The following CCNH variants were observed in gnomAD, a reference collection of about 807,000 sequenced individuals.
CCNH encodes the protein cyclin-H.
Under a neutral mutation model 41.9 loss-of-function variants are expected in CCNH, and 31 were observed. The observed-to-expected ratio is 0.74, with a 90% CI of 0.56 to 1.00. CCNH has a LOEUF of 1.00. Among genes scored for constraint, CCNH ranks in the 50% least tolerant of loss-of-function variants. The probability of loss-of-function intolerance (pLI) is 0.00; values close to 1 mark genes in which losing one functional copy is unlikely to be tolerated. For missense variants in CCNH, 362 were observed against 388.4 expected, an observed-to-expected ratio of 0.93 and a Z score of 0.57; for synonymous variants, 138 against 136.1, an observed-to-expected ratio of 1.01 and a Z score of -0.10.
chr5:87,411,453 G>A (rs1764235764), intron 1 of CCNH, 107 bp from the exon 2 acceptor site: 2 of 998,100 alleles, frequency 2.0e-6, no homozygotes, highest in South Asian at 2.1e-5. Context: ...TCCAACGAAG[G>A]GTATATATCA....
intron 9 of CCNH, among the ~76,000 whole-genome samples, chr5:87,321,817 A>G (rs919495266): frequency 6.6e-6 from 1 of 152,106 alleles, no homozygotes; most frequent in East Asian, 1.9e-4. Context: ...ACTTTCCCCA[A>G]TGGGAAGACC....
the CCNH span, among the ~76,000 whole-genome samples, chr5:87,312,584 G>A: frequency 1.1e-4 from 17 of 152,076 alleles, no homozygotes; most frequent in African/African-American, 3.4e-4. Context: ...AGACCTTTTC[G>A]CTGGGTCTCC....
rs761122627 is a variant in CCNH, at chr5:87,362,513, G to T, written c.*90+30257C>A. ...TAGATTTTTACTTCATTTCCATCAA[G>T]AATGTATGAAATAATTTTAATGTTT... On this transcript the variant is annotated intron_variant and NMD_transcript_variant, in intron 9 of 9. Coordinates refer to the CCNH transcript ENST00000645953. 3.9e-6 allele frequency: 6 copies of T among 1,556,726 alleles called. No individual in the cohort carries two copies. In the African/African-American group the frequency reaches 8.2e-5, roughly 21 times the overall value.
In CCNH at chr5:87,331,309, G is replaced by A. The variant is rs746853553; in HGVS notation, c.*91-12412C>T. The A allele has an allele frequency of 1.0e-5, 16 of 1,552,960 alleles. No homozygotes were observed. In the East Asian group the frequency reaches 3.6e-4, roughly 35 times the overall value. On this transcript the variant is annotated intron_variant and NMD_transcript_variant, in intron 9 of 9. Coordinates refer to the CCNH transcript ENST00000645953. The stretch of plus-strand genomic sequence containing the variant: ...AAGTGTCCATAGAAATTCTGCACTT[G>A]CTATTTATATTGTAATATCTTCTCT...
At chr5:87,353,925 G>C (rs899530353) in intron 9 of CCNH, among the ~76,000 whole-genome samples, 1 of 152,092 alleles carries the variant, frequency 6.6e-6, no homozygotes, top group Non-Finnish European at 1.5e-5. Flanking sequence ...TATAACAGGG[G>C]TTAGAAAAAG....
intron 9 of CCNH, among the ~76,000 whole-genome samples, chr5:87,356,238 G>A (rs1468314259): frequency 6.6e-6 from 1 of 152,088 alleles, no homozygotes; most frequent in Admixed American, 6.6e-5. Context: ...GTCAATTGAT[G>A]CAGCAGACTT....
At chr5:87,386,096 T>C (rs575516904) in intron 9 of CCNH, among the ~76,000 whole-genome samples, 33 of 152,152 alleles carry the variant, frequency 2.2e-4, no homozygotes, top group African/African-American at 7.2e-4. Context: ...CCAGAACTCA[T>C]TGGGTACTAT....
intron 9 of CCNH, among the ~76,000 whole-genome samples, chr5:87,322,679 C>T (rs184239280): frequency 1.8e-4 from 27 of 152,242 alleles, no homozygotes; most frequent in Non-Finnish European, 2.8e-4. Flanking sequence ...AACCATGAGC[C>T]GCAATAAACC....
chr5:87,328,284 T>A (rs942163602), intron 9 of CCNH, among the ~76,000 whole-genome samples: 2 of 151,416 alleles, frequency 1.3e-5, no homozygotes, highest in African/African-American at 4.9e-5. Flanking sequence ...ATGATTCTTA[T>A]GCTTATGTTT....
chr5:87,337,417 C>A (rs939960854), intron 9 of CCNH, among the ~76,000 whole-genome samples: 1 of 152,038 alleles, frequency 6.6e-6, no homozygotes, highest in African/African-American at 2.4e-5. Context: ...TAATGGGTAT[C>A]TGGGTGAATT....
chr5:87,371,041 T>C (rs1760900238), intron 9 of CCNH, among the ~76,000 whole-genome samples: 1 of 152,170 alleles, frequency 6.6e-6, no homozygotes, highest in South Asian at 2.1e-4. Context: ...ATGATTTTTT[T>C]AAATGTTAGA....
intron 9 of CCNH, among the ~76,000 whole-genome samples, chr5:87,360,099 C>A (rs1278661011): frequency 6.9e-6 from 1 of 144,430 alleles, no homozygotes; most frequent in Non-Finnish European, 1.5e-5. Flanking sequence ...CTTATTCTTT[C>A]TTGTTTTTGT....
At chr5:87,394,654 C>A in intron 8 of CCNH, 170 bp from the exon 9 acceptor site, 1 of 1,401,532 alleles carries the variant, frequency 7.1e-7, no homozygotes, top group Non-Finnish European at 9.3e-7. Flanking sequence ...CATGGTCTCA[C>A]CAGACTCCTC....
intron 6 of CCNH, among the ~76,000 whole-genome samples, chr5:87,400,159 C>A (rs1326949008): frequency 2.0e-5 from 3 of 152,016 alleles, no homozygotes. Context: ...GATGAGAGAT[C>A]CAATGGGCTT....
At chr5:87,355,532 A>C (rs1164598660) in intron 9 of CCNH, among the ~76,000 whole-genome samples, 1 of 152,122 alleles carries the variant, frequency 6.6e-6, no homozygotes, top group Non-Finnish European at 1.5e-5. Context: ...CTGACAATGC[A>C]CCTCTACAAT....
intron 4 of CCNH, among the ~76,000 whole-genome samples, chr5:87,407,271 AT>A (rs1413449117): frequency 6.6e-6 from 1 of 152,136 alleles, no homozygotes; most frequent in Non-Finnish European, 1.5e-5. Context: ...TGGATATATG[AT>A]TGTCTAAAAC....
intron 9 of CCNH, among the ~76,000 whole-genome samples, chr5:87,331,937 G>A (rs3804239): frequency 0.15 from 23,307 of 151,876 alleles, 2,089 homozygotes; most frequent in Non-Finnish European, 0.2. Flanking sequence ...AAATTTTCAA[G>A]TACAAATATT....
At chr5:87,352,821 A>G (rs1253765394) in intron 9 of CCNH, among the ~76,000 whole-genome samples, 2 of 151,740 alleles carry the variant, frequency 1.3e-5, no homozygotes, top group African/African-American at 4.8e-5. Context: ...TATCTCATAT[A>G]TACTCTTGGG....
chr5:87,371,536 T>C (rs1760939573), downstream of CCNH, among the ~76,000 whole-genome samples: 1 of 152,168 alleles, frequency 6.6e-6, no homozygotes, highest in South Asian at 2.1e-4. Flanking sequence ...TGCAATTTGA[T>C]TTGAATATTA....
Sources: allele counts gnomAD v4.1 joint callset (sites outside exome capture counted in the v4.1 genomes callset), GRCh38; gene constraint gnomAD v4.1.1; transcripts MANE v1.5; gene names NCBI Gene and HGNC (gene_info 2026-07-23, HGNC 2026-07-21).